The following NDUFAF2 variants were observed in gnomAD, a reference collection of about 807,000 sequenced individuals.
The protein encoded by NDUFAF2 is NADH:ubiquinone oxidoreductase complex assembly factor 2, also known as NADH dehydrogenase [ubiquinone] 1 alpha subcomplex assembly factor 2.
In NDUFAF2, 13 loss-of-function variants were observed where a neutral mutation model predicts 22.8. The observed-to-expected ratio is 0.57, with a 90% CI of 0.37 to 0.91. The LOEUF (loss-of-function observed/expected upper bound fraction) is 0.91, where lower values mean the gene tolerates loss of function less well. Among genes scored for constraint, NDUFAF2 ranks in the 40% least tolerant of loss-of-function variants. The pLI, the probability that NDUFAF2 is intolerant of heterozygous loss-of-function variation, is 0.01. For synonymous variants in NDUFAF2, 53 were observed against 64.2 expected, an observed-to-expected ratio of 0.83 and a Z score of 0.84; for missense variants, 162 against 195.2, an observed-to-expected ratio of 0.83 and a Z score of 1.01.
chr5:60,999,305 A>G (rs936832362), intron 1 of NDUFAF2, among the ~76,000 whole-genome samples: 1 of 152,096 alleles, frequency 6.6e-6, no homozygotes, highest in East Asian at 1.9e-4. Context: ...CAAAAGGCAA[A>G]AAACAACCCA....
chr5:60,962,001 A>AT (rs1050186529), intron 1 of NDUFAF2, among the ~76,000 whole-genome samples: 1 of 151,876 alleles, frequency 6.6e-6, no homozygotes, highest in South Asian at 2.1e-4. Flanking sequence ...ATTAAGTACT[A>AT]TTTTTTCCTC....
intron 1 of NDUFAF2, among the ~76,000 whole-genome samples, chr5:61,006,107 T>C (rs1396392930): frequency 6.6e-6 from 1 of 152,224 alleles, no homozygotes; most frequent in Non-Finnish European, 1.5e-5. Flanking sequence ...CCATCTTGAA[T>C]TAATTTTTGT....
intron 3 of NDUFAF2, among the ~76,000 whole-genome samples, chr5:61,134,898 T>C (rs1221777300): frequency 6.6e-6 from 1 of 152,062 alleles, no homozygotes; most frequent in Non-Finnish European, 1.5e-5. Context: ...CTTCTTACTA[T>C]CATTCCCAAT....
At chr5:61,072,053 TTCTC>T (rs2111730465) in intron 1 of NDUFAF2, among the ~76,000 whole-genome samples, 1 of 152,366 alleles carries the variant, frequency 6.6e-6, no homozygotes, top group South Asian at 2.1e-4. Flanking sequence ...TACTTTACTG[TTCTC>T]TCTGTTTCAT....
intron 2 of NDUFAF2, among the ~76,000 whole-genome samples, chr5:61,077,879 T>A (rs1278777045): frequency 6.6e-6 from 1 of 152,218 alleles, no homozygotes; most frequent in Non-Finnish European, 1.5e-5. Flanking sequence ...TTCTTACTAA[T>A]GAAGAAGAGT....
At chr5:60,954,246 G>A (rs1243484740) in intron 1 of NDUFAF2, among the ~76,000 whole-genome samples, 1 of 152,112 alleles carries the variant, frequency 6.6e-6, no homozygotes, top group Non-Finnish European at 1.5e-5. Flanking sequence ...TTCTGTATAG[G>A]TTGGTAACAG....
intron 1 of NDUFAF2, among the ~76,000 whole-genome samples, chr5:60,975,410 A>C (rs1018470743): frequency 1.3e-5 from 2 of 152,062 alleles, no homozygotes; most frequent in Non-Finnish European, 2.9e-5. Context: ...TAAAGGTAAG[A>C]TCAGATATTC....
intron 1 of NDUFAF2, among the ~76,000 whole-genome samples, chr5:60,977,819 A>C (rs1308599415): frequency 6.7e-6 from 1 of 149,706 alleles, no homozygotes; most frequent in African/African-American, 2.5e-5. Context: ...TCTGGGCTAC[A>C]GAACAAGACT....
At chr5:61,112,538 T>G (rs891409033) in intron 3 of NDUFAF2, among the ~76,000 whole-genome samples, 10 of 152,306 alleles carry the variant, frequency 6.6e-5, no homozygotes, top group Middle Eastern at 3.4e-3. Context: ...AGTTTTTGTC[T>G]TAAAATCTAT....
intron 3 of NDUFAF2, among the ~76,000 whole-genome samples, chr5:61,125,906 A>G (rs931603549): frequency 4.6e-5 from 7 of 152,056 alleles, no homozygotes; most frequent in African/African-American, 1.7e-4. Context: ...ATACAGCTCA[A>G]TGTATTCTGC....
At chr5:61,021,615 T>A (rs1479049963) in intron 1 of NDUFAF2, among the ~76,000 whole-genome samples, 3 of 152,216 alleles carry the variant, frequency 2.0e-5, no homozygotes, top group Admixed American at 1.3e-4. Flanking sequence ...TTATATCATT[T>A]TCCTTCCCCC....
intron 2 of NDUFAF2, among the ~76,000 whole-genome samples, chr5:61,086,641 A>G (rs1287306954): frequency 6.6e-6 from 1 of 152,180 alleles, no homozygotes; most frequent in Non-Finnish European, 1.5e-5. Context: ...GGGATTTATC[A>G]CAGACCTAAA....
At chr5:61,137,079 G>A (rs1368263786) in intron 3 of NDUFAF2, among the ~76,000 whole-genome samples, 1 of 152,130 alleles carries the variant, frequency 6.6e-6, no homozygotes, top group East Asian at 1.9e-4. Context: ...TCACTTTCTA[G>A]ACCATTCTTT....
chr5:61,098,587 C>T (rs1373664777), intron 2 of NDUFAF2, among the ~76,000 whole-genome samples: 1 of 152,168 alleles, frequency 6.6e-6, no homozygotes, highest in African/African-American at 2.4e-5. Context: ...ATAAATTGAA[C>T]AGTAACTAAT....
At chr5:61,072,182 C>T (rs1212091670) in intron 1 of NDUFAF2, among the ~76,000 whole-genome samples, 1 of 152,206 alleles carries the variant, frequency 6.6e-6, no homozygotes, top group Non-Finnish European at 1.5e-5. Flanking sequence ...GCTGGTCTCT[C>T]AATGTGGCTC....
chr5:60,994,142 C>T (rs993742337), intron 1 of NDUFAF2, among the ~76,000 whole-genome samples: 16 of 152,248 alleles, frequency 1.1e-4, no homozygotes, highest in Non-Finnish European at 1.0e-4. Flanking sequence ...CTGATCATGG[C>T]ACACACCCAG....
chr5:60,947,456 C>T (rs1312627005), intron 1 of NDUFAF2, among the ~76,000 whole-genome samples: 1 of 152,052 alleles, frequency 6.6e-6, no homozygotes, highest in African/African-American at 2.4e-5. Flanking sequence ...ATTGTTCAAA[C>T]CTTTTGCCCA....
intron 1 of NDUFAF2, 145 bp downstream of exon 1, chr5:60,945,527 T>C: frequency 8.2e-7 from 1 of 1,215,356 alleles, no homozygotes; most frequent in East Asian, 2.5e-5. Flanking sequence ...CGTTCTCCCC[T>C]GTCGACCCCT....
At chr5:60,976,168 T>G (rs1430726240) in intron 1 of NDUFAF2, among the ~76,000 whole-genome samples, 1 of 150,812 alleles carries the variant, frequency 6.6e-6, no homozygotes, top group Non-Finnish European at 1.5e-5. Flanking sequence ...ACTAACAGTT[T>G]CAAAAATAAT....
Sources: allele counts gnomAD v4.1 joint callset (sites outside exome capture counted in the v4.1 genomes callset), GRCh38; gene constraint gnomAD v4.1.1; transcripts MANE v1.5; gene names NCBI Gene and HGNC (gene_info 2026-07-23, HGNC 2026-07-21).